Variants in OR56A3 observed in about 807,000 individuals in gnomAD.
OR56A3 encodes the protein olfactory receptor 56A3.
Under a neutral mutation model 17.5 loss-of-function variants are expected in OR56A3, and 23 were observed. That is an observed-to-expected ratio of 1.32 (90% confidence interval 0.95 to 1.87). The LOEUF (loss-of-function observed/expected upper bound fraction) is 1.87. Ranked by LOEUF, OR56A3 falls within the 40% of genes most tolerant of loss-of-function variation. OR56A3 has a pLI of 0.00. For missense variants in OR56A3, 366 were observed against 380.1 expected (o/e 0.96, Z 0.31); for synonymous variants, 175 against 150.6 (o/e 1.16, Z -1.19).
the OR56A3 span, chr11:5,968,337 T>A: frequency 1.2e-5 from 20 of 1,613,294 alleles, no homozygotes; most frequent in Non-Finnish European, 1.4e-5. Context: ...GGCTTCCAGA[T>A]AGATGGTGAT....
the OR56A3 span, among the ~76,000 whole-genome samples, chr11:5,957,016 T>C: frequency 6.6e-6 from 1 of 152,210 alleles, no homozygotes; most frequent in South Asian, 2.1e-4. Flanking sequence ...TAGCCAGACA[T>C]GGTGGCTTAT....
At chr11:5,980,036 T>C in the OR56A3 span, among the ~76,000 whole-genome samples, 2 of 152,214 alleles carry the variant, frequency 1.3e-5, no homozygotes, top group Admixed American at 1.3e-4. Flanking sequence ...TTTGTTGTGC[T>C]GTTATCTGAG....
chr11:5,993,729 G>T, the OR56A3 span: 12 of 204,020 alleles, frequency 5.9e-5, no homozygotes, highest in South Asian at 1.1e-3. Flanking sequence ...AAAAGTAAAA[G>T]AAAACATGTA....
the OR56A3 span, among the ~76,000 whole-genome samples, chr11:6,003,531 G>A: frequency 3.8e-3 from 580 of 152,254 alleles, 5 homozygotes; most frequent in African/African-American, 0.013. Flanking sequence ...GGACGCCATT[G>A]CATTACAGGG....
At chr11:6,016,682 A>G in the OR56A3 span, among the ~76,000 whole-genome samples, 1 of 152,086 alleles carries the variant, frequency 6.6e-6, no homozygotes, top group Non-Finnish European at 1.5e-5. Context: ...AAATTTATTA[A>G]ATGCCTGAAA....
chr11:5,997,636 C>T, the OR56A3 span, among the ~76,000 whole-genome samples: 34 of 152,210 alleles, frequency 2.2e-4, no homozygotes, highest in Admixed American at 5.9e-4. Context: ...GGAAACATCA[C>T]GGAGACTTGA....
chr11:5,985,860 A>T, the OR56A3 span: 25 of 1,336,352 alleles, frequency 1.9e-5, no homozygotes, highest in Middle Eastern at 1.1e-3. Context: ...GTCTGTATTC[A>T]TGTAATCTAC....
the OR56A3 span, chr11:6,001,749 A>G: frequency 7.6e-6 from 2 of 264,832 alleles, no homozygotes; most frequent in African/African-American, 2.2e-5. Context: ...GTGGTCAAAC[A>G]CTTCCATTCT....
At chr11:5,989,372 C>A in the OR56A3 span, among the ~76,000 whole-genome samples, 1 of 152,196 alleles carries the variant, frequency 6.6e-6, no homozygotes, top group Non-Finnish European at 1.5e-5. Flanking sequence ...TAAAACCAAA[C>A]TAGCCCTGGG....
chr11:5,968,543 A>C, the OR56A3 span: 1 of 1,273,550 alleles, frequency 7.9e-7, no homozygotes, highest in Non-Finnish European at 1.1e-6. Context: ...GTGTTTGATA[A>C]GACACAGGAA....
chr11:5,987,517 C>A, the OR56A3 span, among the ~76,000 whole-genome samples: 49 of 152,096 alleles, frequency 3.2e-4, no homozygotes, highest in Non-Finnish European at 2.9e-5. Context: ...AATATAAATC[C>A]ATTTTTCCAT....
At chr11:6,002,190 C>T in the OR56A3 span, 4 of 1,614,200 alleles carry the variant, frequency 2.5e-6, no homozygotes, top group Non-Finnish European at 3.4e-6. Context: ...AATTCTCTTC[C>T]TGGCCAGGTT....
the OR56A3 span, among the ~76,000 whole-genome samples, chr11:5,985,492 C>G: frequency 5.3e-5 from 8 of 152,102 alleles, no homozygotes; most frequent in African/African-American, 1.9e-4. Flanking sequence ...TTGAAGAGAC[C>G]CTATTGGTAA....
chr11:5,978,592 T>A, the OR56A3 span, among the ~76,000 whole-genome samples: 16 of 152,140 alleles, frequency 1.1e-4, no homozygotes, highest in African/African-American at 1.7e-4. Context: ...AAGTTTTTTT[T>A]AATCAGATTT....
At chr11:5,967,562 C>G in the OR56A3 span, 1 of 1,586,310 alleles carries the variant, frequency 6.3e-7, no homozygotes, top group Non-Finnish European at 8.6e-7. Context: ...TTTACAACCT[C>G]CTCAGCAGGT....
chr11:6,009,510 A>G, the OR56A3 span, among the ~76,000 whole-genome samples: 2 of 152,184 alleles, frequency 1.3e-5, no homozygotes, highest in African/African-American at 2.4e-5. Flanking sequence ...TATTCAATTC[A>G]ATATATTTCA....
At chr11:6,021,576 A>G in the OR56A3 span, 2 of 152,132 alleles carry the variant, frequency 1.3e-5, no homozygotes, top group African/African-American at 4.8e-5. Context: ...AATATTTTAT[A>G]AGTAGAAAGT....
the OR56A3 span, chr11:5,994,837 C>T: frequency 3.9e-6 from 3 of 760,598 alleles, no homozygotes; most frequent in Middle Eastern, 2.9e-4. Flanking sequence ...TTTTGCTCTC[C>T]AGCTTCTAGT....
At chr11:5,994,281 G>T in the OR56A3 span, 2 of 616,338 alleles carry the variant, frequency 3.2e-6, no homozygotes, top group South Asian at 1.5e-5. Context: ...TCAGCTCCAT[G>T]AGTGTCATCT....
Sources: allele counts gnomAD v4.1 joint callset (sites outside exome capture counted in the v4.1 genomes callset), GRCh38; gene constraint gnomAD v4.1.1; transcripts MANE v1.5; gene names NCBI Gene and HGNC (gene_info 2026-07-23, HGNC 2026-07-21).